The following DLGAP2 variants were observed in gnomAD, a reference collection of about 807,000 sequenced individuals.
DLGAP2 encodes the protein disks large-associated protein 2.
DLGAP2 carries 26 observed loss-of-function variants against 100.3 expected under a neutral mutation model. That is an observed-to-expected ratio of 0.26 (90% CI 0.19 to 0.36). The LOEUF is 0.36. Among genes scored for constraint, DLGAP2 ranks in the 10% least tolerant of loss-of-function variants. DLGAP2 has a pLI of 1.00. For synonymous variants in DLGAP2, 886 were observed against 630.1 expected (o/e 1.41, Z -6.08); for missense variants, 1,858 against 1,453.2 (o/e 1.28, Z -4.53).
chr8:1,134,327 A>T (rs969893397), intron 2 of DLGAP2, among the ~76,000 whole-genome samples: 2 of 152,204 alleles, frequency 1.3e-5, no homozygotes, highest in African/African-American at 4.8e-5. Flanking sequence ...AGAACGATGT[A>T]TATTCCTTTG....
intron 2 of DLGAP2, among the ~76,000 whole-genome samples, chr8:945,104 T>C (rs1203261494): frequency 1.3e-5 from 2 of 152,198 alleles, no homozygotes; most frequent in African/African-American, 2.4e-5. Context: ...CAGAAACCTG[T>C]ATTGGGGAGA....
At chr8:1,033,990 A>AT (rs1802056658) in intron 2 of DLGAP2, among the ~76,000 whole-genome samples, 1 of 136,968 alleles carries the variant, frequency 7.3e-6, no homozygotes, top group Non-Finnish European at 1.5e-5. Context: ...GTGGACTCAC[A>AT]CCCTCATCCC....
Position 1,033,812 on chromosome 8 carries a change from G to A in DLGAP2, c.73+125846G>A, listed in dbSNP as rs555286010. 2.0e-5 allele frequency among the ~76,000 whole-genome samples: 3 copies of A among 146,742 alleles called. No homozygotes were observed. In the East Asian group the frequency reaches 6.2e-4, roughly 30 times the overall value. On this transcript the variant is annotated intron_variant, in intron 2 of 14. Coordinates refer to ENST00000637795, the MANE Select transcript of DLGAP2 (RefSeq NM_001346810.2). Reference sequence around the variant, plus strand: ...GCTCATCCCGACCCCGCGTGTCACCGCGAGTGGATTCACACGCTCATCCCG... The same window carrying A: ...GCTCATCCCGACCCCGCGTGTCACCACGAGTGGATTCACACGCTCATCCCG...
intron 3 of DLGAP2, among the ~76,000 whole-genome samples, chr8:1,371,805 A>G (rs1479693750): frequency 6.6e-6 from 1 of 152,128 alleles, no homozygotes; most frequent in Non-Finnish European, 1.5e-5. Flanking sequence ...GCATCGTGGA[A>G]CTGTCCACTC....
chr8:1,286,214 T>C (rs1280608057), intron 3 of DLGAP2, among the ~76,000 whole-genome samples: 1 of 152,162 alleles, frequency 6.6e-6, no homozygotes, highest in Non-Finnish European at 1.5e-5. Flanking sequence ...GCACTCATTC[T>C]CTCTCCTGCC....
chr8:1,644,443 C>T (rs1306413873), intron 8 of DLGAP2, among the ~76,000 whole-genome samples: 2 of 152,234 alleles, frequency 1.3e-5, no homozygotes, highest in Admixed American at 6.5e-5. Flanking sequence ...CATGCCTCTA[C>T]GGCTGCTGCT....
At chr8:1,164,811 C>T (rs1034115833) in intron 2 of DLGAP2, among the ~76,000 whole-genome samples, 7 of 152,016 alleles carry the variant, frequency 4.6e-5, no homozygotes, top group Admixed American at 2.6e-4. Flanking sequence ...GGAAAGTGTG[C>T]GTGTGACAGT....
intron 1 of DLGAP2, among the ~76,000 whole-genome samples, chr8:812,304 G>T (rs1796387576): frequency 6.6e-6 from 1 of 152,162 alleles, no homozygotes. Context: ...GGGCACGGTT[G>T]TCCTGGGGTG....
At chr8:1,162,141 A>G (rs1160176407) in intron 2 of DLGAP2, among the ~76,000 whole-genome samples, 2 of 152,236 alleles carry the variant, frequency 1.3e-5, no homozygotes, top group Non-Finnish European at 1.5e-5. Context: ...CTACGGAGGC[A>G]GGAAGCCCTC....
chr8:1,473,429 G>T (rs1032885885), intron 3 of DLGAP2, among the ~76,000 whole-genome samples: 1 of 152,208 alleles, frequency 6.6e-6, no homozygotes, highest in Non-Finnish European at 1.5e-5. Flanking sequence ...AAGGTGTTCA[G>T]TTGGTCCACG....
chr8:797,218 C>T (rs752932934), intron 1 of DLGAP2, among the ~76,000 whole-genome samples: 8 of 152,182 alleles, frequency 5.3e-5, no homozygotes, highest in Non-Finnish European at 1.0e-4. Flanking sequence ...CCTGGAAGAT[C>T]GCCCACCCAC....
At chr8:952,002 G>A (rs772964025) in intron 2 of DLGAP2, among the ~76,000 whole-genome samples, 1 of 152,226 alleles carries the variant, frequency 6.6e-6, no homozygotes, top group Non-Finnish European at 1.5e-5. Context: ...CTTGGACTTT[G>A]TCCTTGCCCT....
At chr8:1,277,958 G>A (rs919678658) in intron 3 of DLGAP2, among the ~76,000 whole-genome samples, 19 of 152,192 alleles carry the variant, frequency 1.2e-4, no homozygotes, top group African/African-American at 4.6e-4. Context: ...GTATTGGTAG[G>A]GAGTTGGTAG....
chr8:871,433 G>A (rs1050588750), intron 1 of DLGAP2, among the ~76,000 whole-genome samples: 2 of 152,158 alleles, frequency 1.3e-5, no homozygotes, highest in African/African-American at 2.4e-5. Flanking sequence ...TGAGTCCACC[G>A]TTGCTCATTT....
chr8:1,192,985 T>C (rs7846648), intron 2 of DLGAP2, among the ~76,000 whole-genome samples: 42,520 of 151,908 alleles, frequency 0.28, 6,715 homozygotes, highest in African/African-American at 0.43. Context: ...ATCCATGTCC[T>C]TACAAAGGAC....
chr8:1,581,245 T>A (rs953874159), intron 6 of DLGAP2, among the ~76,000 whole-genome samples: 1 of 142,252 alleles, frequency 7.0e-6, no homozygotes, highest in Non-Finnish European at 1.5e-5. Flanking sequence ...ACCCCGCACA[T>A]ATATGCACCA....
At chr8:1,595,477 C>G (rs888129271) in intron 6 of DLGAP2, among the ~76,000 whole-genome samples, 2 of 150,976 alleles carry the variant, frequency 1.3e-5, no homozygotes, top group East Asian at 1.9e-4. Context: ...TCCTGGCTAA[C>G]AAGGTGAAAC....
intron 2 of DLGAP2, among the ~76,000 whole-genome samples, chr8:1,227,990 T>C (rs747571442): frequency 6.6e-6 from 1 of 152,138 alleles, no homozygotes; most frequent in Non-Finnish European, 1.5e-5. Flanking sequence ...TTACTATTTA[T>C]ATGCATGTTA....
rs114843676 is a variant in DLGAP2, at chr8:1,282,026, C to T, written c.106+23143C>T. Among the ~76,000 whole-genome samples, 348 of 147,182 alleles carry T rather than the reference C, an allele frequency of 2.4e-3. 2 individuals carry two copies. The highest frequency in any genetic ancestry group is 9.0e-3 in the African/African-American group (334 of 37,082). ...ATCCAGACATGGTGTGACCTGAACC[C>T]AGCACCATGAACCATCCGGACGTGG... On this transcript the variant is annotated intron_variant, in intron 3 of 14. Transcript: ENST00000637795.
Sources: allele counts gnomAD v4.1 joint callset (sites outside exome capture counted in the v4.1 genomes callset), GRCh38; gene constraint gnomAD v4.1.1; transcripts MANE v1.5; gene names NCBI Gene and HGNC (gene_info 2026-07-23, HGNC 2026-07-21).